ANKRA2: variants seen among roughly 807,000 people sequenced by gnomAD.
ANKRA2 encodes ankyrin repeat family A member 2, also known as ankyrin repeat family A protein 2.
ANKRA2 carries 33 observed loss-of-function variants against 37.8 expected under a neutral mutation model. The observed-to-expected ratio is 0.87, with a 90% CI of 0.66 to 1.17. ANKRA2 has a LOEUF of 1.17. Among genes scored for constraint, ANKRA2 ranks in the 50% most tolerant of loss-of-function variants. The probability of loss-of-function intolerance (pLI) is 0.00; values close to 1 mark genes in which losing one functional copy is unlikely to be tolerated. For missense variants in ANKRA2, 326 were observed against 373.7 expected (o/e 0.87, Z 1.05); for synonymous variants, 126 against 132.3 (o/e 0.95, Z 0.33).
At chr5:73,554,802 A>G in intron 6 of ANKRA2, 59 bp downstream of exon 6, 4 of 1,570,994 alleles carry the variant, frequency 2.5e-6, no homozygotes, top group Non-Finnish European at 3.5e-6. Context: ...CATCTCTCCC[A>G]AACCAAATAA....
At chr5:73,555,384 G>A in intron 5 of ANKRA2, 104 bp downstream of exon 5, 1 of 1,480,744 alleles carries the variant, frequency 6.8e-7, no homozygotes, top group Admixed American at 2.5e-5. Flanking sequence ...AACTTTTTTT[G>A]GTAGCCTCTA....
chr5:73,564,051 C>T (rs1747635413), intron 1 of ANKRA2, among the ~76,000 whole-genome samples: 1 of 151,240 alleles, frequency 6.6e-6, no homozygotes, highest in Non-Finnish European at 1.5e-5. Context: ...AATGAGGCAG[C>T]CCTAAACAAA....
intron 4 of ANKRA2, among the ~76,000 whole-genome samples, chr5:73,556,270 AATTT>A (rs1299352523): frequency 6.6e-6 from 1 of 152,156 alleles, no homozygotes; most frequent in Non-Finnish European, 1.5e-5. Context: ...CTTTTCCCTA[AATTT>A]ATTTAGTAGA....
chr5:73,555,288 C>T (rs991324304), intron 5 of ANKRA2, 200 bp downstream of exon 5: 14 of 1,197,240 alleles, frequency 1.2e-5, no homozygotes, highest in Admixed American at 5.8e-5. Context: ...GGGGTCTGGG[C>T]GTTAAATTAT....
In ANKRA2 at chr5:73,554,328, G is replaced by C; in HGVS notation, c.799C>G (p.Leu267Val). 1 of 1,613,158 alleles carries C rather than the reference G, an allele frequency of 6.2e-7. No individual in the cohort carries two copies. Among genetic ancestry groups the C allele is most frequent in the Non-Finnish European group, 8.5e-7 (1 of 1,179,588 alleles). The change falls in exon 7 of 9, where the codon CTC (leucine) becomes GTC (valine). Residue 267 changes from leucine to valine, a missense_variant. By Grantham distance (32) the Leu-to-Val change is conservative. Transcript: ENST00000296785. ...TAAATTTTTATCTGCTTACCTAAGA[G>C]CATCTTTACACATTTCACATGATTT... ...HGNHVKCVKMLLESGADPTIE... is the reference protein window; with the variant it reads ...HGNHVKCVKMVLESGADPTIE...
Position 73,552,452 on chromosome 5 carries a change from A to C in ANKRA2, c.*345T>G, listed in dbSNP as rs1023801061. On this transcript the variant is annotated 3_prime_UTR_variant, in exon 9 of 9. Transcript: ENST00000296785. ...TAGGGATTTATAGCAAACCCTATAT[A>C]AAGTGAATGACTTAATACACGAGTG... The C allele has an allele frequency of 5.7e-6, 1 of 174,328 alleles. No homozygotes were observed. The highest frequency in any genetic ancestry group is 2.4e-5 in the African/African-American group (1 of 41,914). The allele number at this position is 174,328 out of a possible 1,614,324, so 10.8% of individuals were successfully genotyped here.
intron 8 of ANKRA2, among the ~76,000 whole-genome samples, chr5:73,553,097 G>A (rs905490937): frequency 6.6e-6 from 1 of 152,182 alleles, no homozygotes; most frequent in South Asian, 2.1e-4. Flanking sequence ...AACTCAAGGA[G>A]AGTCCAGAAT....
intron 1 of ANKRA2, among the ~76,000 whole-genome samples, chr5:73,564,307 G>A (rs1747651715): frequency 6.6e-6 from 1 of 152,112 alleles, no homozygotes; most frequent in Admixed American, 6.5e-5. Flanking sequence ...CTATCCAGCG[G>A]TTGGCTAAGT....
Position 73,561,125 on chromosome 5 carries a change from C to T in ANKRA2, c.448+5G>A, listed in dbSNP as rs1304231385. 1.9e-6 allele frequency: 3 copies of T among 1,605,784 alleles called. No individual in the cohort carries two copies. The highest frequency in any genetic ancestry group is 1.1e-5 in the South Asian group (1 of 90,002). On this transcript the variant is annotated splice_donor_5th_base_variant and intron_variant, in intron 3 of 8. Transcript: ENST00000296785. ...TATAGTAATACATCAGTGGCAAATA[C>T]TTACAATTTGCTAACAGAGGTGTGG...
rs1470758388 is a variant in ANKRA2, at chr5:73,560,270, AATCT to A, written c.448+856_448+859del. 4.6e-5 allele frequency among the ~76,000 whole-genome samples: 7 copies of A among 152,290 alleles called. No homozygotes were observed. In the East Asian group the frequency reaches 1.4e-3, roughly 29 times the overall value. On this transcript the variant is annotated intron_variant, in intron 3 of 8. Transcript: ENST00000296785. ...ATGGAATGATTAAAGCCAATTCACA[AATCT>A]ATCACCTCACATACTTATTTTTTCG...
At position 73,562,608 on chromosome 5, in the gene ANKRA2, A is replaced by C. The variant is rs1580381412; in HGVS notation, c.274T>G (p.Ser92Ala). ...DQVNSDLEVA[S>A]VLFKAECNIH... ...AACTTTCAACCTTTAAATAGGACAG[A>C]TGCCACCTCCAGGTCAGAGTTAACC... Residue 92 changes from serine to alanine, a missense_variant, in exon 2 of 9, where the codon TCT becomes GCT. Physicochemically the swap from Ser to Ala is moderately conservative, Grantham distance 99. Around this residue, in one of 3 missense-constraint regions of ANKRA2, gnomAD observed 5 missense variants for 22.4 expected, o/e 0.22. Coordinates refer to ENST00000296785, the MANE Select transcript of ANKRA2 (RefSeq NM_023039.5). 1 of 1,613,370 alleles carries C rather than the reference A, an allele frequency of 6.2e-7. No individual in the cohort carries two copies. Among genetic ancestry groups the C allele is most frequent in the East Asian group, 2.2e-5 (1 of 44,856 alleles).
At chr5:73,557,708 T>A in intron 3 of ANKRA2, 68 bp from the exon 4 acceptor site, 1 of 1,130,600 alleles carries the variant, frequency 8.8e-7, no homozygotes, top group African/African-American at 1.6e-5. Context: ...CCATGGTTCA[T>A]GTTTGTGTCA....
At chr5:73,564,935 G>C (rs1399937862) in intron 1 of ANKRA2, among the ~76,000 whole-genome samples, 197 bp downstream of exon 1, 2 of 152,070 alleles carry the variant, frequency 1.3e-5, no homozygotes, top group Non-Finnish European at 2.9e-5. Context: ...TGAGAAAAAG[G>C]GGGTAAGGCA....
chr5:73,558,270 T>G (rs961326846), intron 3 of ANKRA2, among the ~76,000 whole-genome samples: 2 of 152,016 alleles, frequency 1.3e-5, no homozygotes, highest in African/African-American at 2.4e-5. Flanking sequence ...TGAGCCACCA[T>G]GCCTCAGCCT....
At position 73,562,999 on chromosome 5, in the gene ANKRA2, T is replaced by A. The variant is rs1747597376; in HGVS notation, c.-104-14A>T. On this transcript the variant is annotated splice_polypyrimidine_tract_variant and intron_variant, in intron 1 of 8. Coordinates refer to ENST00000296785, the MANE Select transcript of ANKRA2 (RefSeq NM_023039.5). ...ATATTTAAAAATCTGAAAGAAAAAA[T>A]TAGAAAATTAAAAGTATTCTATCAG... The A allele has an allele frequency of 3.1e-6, 3 of 961,536 alleles. No homozygotes were observed. The highest frequency in any genetic ancestry group is 4.4e-6 in the Non-Finnish European group (3 of 674,264). The allele number at this position is 961,536 out of a possible 1,614,324, so 59.6% of individuals were successfully genotyped here. A position where few individuals can be genotyped will look rare whatever the true frequency, so the allele number is the denominator to read the frequency against.
intron 7 of ANKRA2, 49 bp from the exon 8 acceptor site, chr5:73,553,535 G>A: frequency 6.8e-7 from 1 of 1,471,890 alleles, no homozygotes. Flanking sequence ...ATGCAGATAT[G>A]TTTGTCTGTT....
intron 2 of ANKRA2, 139 bp from the exon 3 acceptor site, chr5:73,561,427 C>A: frequency 3.8e-6 from 3 of 791,630 alleles, no homozygotes; most frequent in Non-Finnish European, 5.8e-6. Flanking sequence ...TTGTTTTTAT[C>A]ATTAAAGTCC....
chr5:73,554,182 G>T, intron 7 of ANKRA2, 140 bp downstream of exon 7: 1 of 750,008 alleles, frequency 1.3e-6, no homozygotes, highest in Non-Finnish European at 2.2e-6. Flanking sequence ...TTTGGTGGCA[G>T]GTGCTCTAAG....
At chr5:73,558,775 C>T (rs142463573) in intron 3 of ANKRA2, among the ~76,000 whole-genome samples, 1,786 of 152,226 alleles carry the variant, frequency 0.012, 14 homozygotes, top group Middle Eastern at 0.02. Flanking sequence ...TCAAGTGATC[C>T]GCCAGCCTCA....
Sources: allele counts gnomAD v4.1 joint callset (sites outside exome capture counted in the v4.1 genomes callset), GRCh38; gene constraint gnomAD v4.1.1; regional missense constraint gnomAD v4.1.1; transcripts MANE v1.5; gene names NCBI Gene and HGNC (gene_info 2026-07-23, HGNC 2026-07-21).